Variants in IPO8 observed in about 807,000 individuals in gnomAD.
IPO8 encodes the protein importin-8.
A neutral mutation model predicts 141.2 loss-of-function variants in IPO8; 65 were observed. The ratio of observed to expected loss-of-function variants is 0.46; its 90% CI spans 0.38 to 0.57. The LOEUF is 0.57. Among genes scored for constraint, IPO8 ranks in the 20% least tolerant of loss-of-function variants. The pLI is 0.00. For synonymous variants in IPO8, 411 were observed against 420.3 expected, an observed-to-expected ratio of 0.98 and a Z score of 0.27; for missense variants, 980 against 1,246.8, an observed-to-expected ratio of 0.79 and a Z score of 3.22.
At chr12:30,677,901 C>T (rs1474734479) in intron 5 of IPO8, among the ~76,000 whole-genome samples, 1 of 151,700 alleles carries the variant, frequency 6.6e-6, no homozygotes, top group African/African-American at 2.4e-5. Flanking sequence ...CTTTGGGAGG[C>T]CAAGGCAGGC....
At position 30,681,768 on chromosome 12, in the gene IPO8, C is replaced by T; in HGVS notation, c.373G>A (p.Gly125Ser). Reference sequence around the variant, plus strand: ...TTGTCGACCACTCCTGGCCAGTGACCAGGAAAATCATGTTTTATGATGGCA... The same window carrying T: ...TTGTCGACCACTCCTGGCCAGTGACTAGGAAAATCATGTTTTATGATGGCA... ...LRAIIKHDFPGHWPGVVDKID... is the reference protein window; with the variant it reads ...LRAIIKHDFPSHWPGVVDKID... The change falls in exon 4 of 25, where the codon GGT (glycine) becomes AGT (serine). Residue 125 changes from glycine (G) to serine (S), a missense_variant. Transcript: ENST00000256079. The T allele has an allele frequency of 5.6e-6, 9 of 1,613,572 alleles. No individual in the cohort carries two copies. The highest frequency in any genetic ancestry group is 6.8e-6 in the Non-Finnish European group (8 of 1,179,656).
chr12:30,637,454 T>C (rs2052518332), intron 21 of IPO8, among the ~76,000 whole-genome samples: 1 of 152,218 alleles, frequency 6.6e-6, no homozygotes, highest in Non-Finnish European at 1.5e-5. Context: ...AAATGTTATA[T>C]ATGGGCCTCG....
chr12:30,676,834 A>C (rs1457194463), intron 5 of IPO8: 2 of 1,116,070 alleles, frequency 1.8e-6, no homozygotes, highest in Non-Finnish European at 2.6e-6. Context: ...AAAACAAATG[A>C]ATACCACTGA....
chr12:30,695,427 GGA>G lies in IPO8; in HGVS notation c.84+135_84+136del. 1.5e-6 allele frequency: 1 copy of G among 682,328 alleles called. No homozygotes were observed. The highest frequency in any genetic ancestry group is 2.5e-6 in the Non-Finnish European group (1 of 396,956). 42.3% of individuals were successfully genotyped at this position (682,328 alleles called of 1,614,324 possible). A position where few individuals can be genotyped will look rare whatever the true frequency, so the allele number is the denominator to read the frequency against. ...CACTGGACCGGGGGGCAGCGGGGTC[GGA>G]GAGCGGGACCAGCCGTGAGGCGTCA... On this transcript the variant is annotated intron_variant, in intron 1 of 24. Coordinates refer to ENST00000256079, the MANE Select transcript of IPO8 (RefSeq NM_006390.4). The surrounding 1 kb of genome is among the most constrained non-coding windows in gnomAD (Gnocchi z 4.2).
At chr12:30,659,504 CA>C (rs111943394) in intron 16 of IPO8, among the ~76,000 whole-genome samples, 18 of 139,528 alleles carry the variant, frequency 1.3e-4, no homozygotes, top group Admixed American at 2.2e-4. Flanking sequence ...AACAAATAAA[CA>C]AAAAAAAAAA....
chr12:30,631,158 A>C (rs1223045218), intron 24 of IPO8, among the ~76,000 whole-genome samples: 1 of 152,196 alleles, frequency 6.6e-6, no homozygotes, highest in East Asian at 1.9e-4. Context: ...CTACCATCGG[A>C]AAATCTGCAA....
intron 20 of IPO8, among the ~76,000 whole-genome samples, chr12:30,640,251 CA>C (rs2052558629): frequency 6.6e-6 from 1 of 152,092 alleles, no homozygotes; most frequent in South Asian, 2.1e-4. Flanking sequence ...TTCTAAGGTG[CA>C]ATATTGATGA....
chr12:30,680,307 T>A, intron 5 of IPO8, 175 bp downstream of exon 5: 4 of 517,958 alleles, frequency 7.7e-6, no homozygotes, highest in Non-Finnish European at 1.3e-5. Context: ...GATATGCCAT[T>A]GAGACGATCT....
intron 23 of IPO8, among the ~76,000 whole-genome samples, chr12:30,632,564 T>A (rs2052447852): frequency 6.6e-6 from 1 of 152,168 alleles, no homozygotes; most frequent in Non-Finnish European, 1.5e-5. Flanking sequence ...TGTGCATCCT[T>A]AACATCCCTG....
chr12:30,672,472 G>A (rs1401046033), intron 8 of IPO8, among the ~76,000 whole-genome samples: 2 of 152,172 alleles, frequency 1.3e-5, no homozygotes, highest in Non-Finnish European at 2.9e-5. Flanking sequence ...GTGGGGGAGA[G>A]AAGAGTCCCT....
At position 30,676,578 on chromosome 12, in the gene IPO8, G is replaced by A; in HGVS notation, c.649C>T (p.Pro217Ser). Residue 217 changes from proline (P) to serine (S), a missense_variant, in exon 6 of 25, where the codon CCT (proline) becomes TCT (serine). By Grantham distance (74) the Pro-to-Ser change is moderately conservative. Transcript: ENST00000256079. ...IFYALVQYAL[P>S]LQLVNNQTMT... is the part of the protein sequence containing the mutation. ...GTTTGGTTATTCACTAGCTGAAGAGGCAATGCATACTGGAAAAGAGAAGAA... is the reference window on the plus strand; with the variant it reads ...GTTTGGTTATTCACTAGCTGAAGAGACAATGCATACTGGAAAAGAGAAGAA... 6.2e-7 allele frequency: 1 copy of A among 1,608,566 alleles called. No homozygotes were observed. Among genetic ancestry groups the A allele is most frequent in the Non-Finnish European group, 8.5e-7 (1 of 1,175,130 alleles).
In IPO8 at chr12:30,630,896, G is replaced by A. The variant is rs377717299; in HGVS notation, c.3078C>T (p.Ser1026=). 92 of 1,613,562 alleles carry A rather than the reference G, an allele frequency of 5.7e-5. 1 individual carries two copies. Among genetic ancestry groups the A allele is most frequent in the South Asian group, 2.2e-4 (20 of 91,060 alleles). Residue 1026 remains serine (S), a synonymous_variant, in exon 25 of 25, where the codon TCC becomes TCT. Coordinates refer to ENST00000256079, the MANE Select transcript of IPO8 (RefSeq NM_006390.4). ...GFTFENKGVL[S]AFNFGTVPSN... Reference sequence around the variant, plus strand: ...TGGGCACAGTCCCAAAATTAAATGCGGAGAGGACTCCTTTGTTTTCAAAGG... The same window carrying A: ...TGGGCACAGTCCCAAAATTAAATGCAGAGAGGACTCCTTTGTTTTCAAAGG...
intron 16 of IPO8, among the ~76,000 whole-genome samples, chr12:30,660,019 T>G (rs977477803): frequency 7.2e-5 from 11 of 151,940 alleles, no homozygotes; most frequent in Non-Finnish European, 1.3e-4. Context: ...GGTCAGGAGT[T>G]CAAGACCAGC....
intron 5 of IPO8, 80 bp from the exon 6 acceptor site, chr12:30,676,667 A>G: frequency 1.0e-6 from 1 of 972,116 alleles, no homozygotes; most frequent in South Asian, 1.3e-5. Context: ...TGTAAGGCTA[A>G]AATATATGAA....
At chr12:30,661,105 GCTA>G (rs756089877) in intron 16 of IPO8, 33 bp downstream of exon 16, 1 of 1,345,652 alleles carries the variant, frequency 7.4e-7, no homozygotes, top group Non-Finnish European at 9.6e-7. Flanking sequence ...TCAGTTAAAT[GCTA>G]CTATTATATC....
At chr12:30,646,640 G>C (rs1003701018) in intron 20 of IPO8, among the ~76,000 whole-genome samples, 8 of 152,114 alleles carry the variant, frequency 5.3e-5, no homozygotes, top group African/African-American at 1.7e-4. Context: ...CAGCAAGGTT[G>C]CAGGATACAA....
intron 8 of IPO8, among the ~76,000 whole-genome samples, chr12:30,672,374 G>A (rs138420833): frequency 1.3e-5 from 2 of 152,260 alleles, no homozygotes; most frequent in Admixed American, 6.5e-5. Context: ...GGATGATACT[G>A]AACATGATTC....
chr12:30,675,679 A>C (rs1167319382), intron 6 of IPO8, among the ~76,000 whole-genome samples: 1 of 151,366 alleles, frequency 6.6e-6, no homozygotes, highest in Non-Finnish European at 1.5e-5. Context: ...AAAAAACAAA[A>C]AAAACAAAAA....
intron 17 of IPO8, among the ~76,000 whole-genome samples, chr12:30,655,887 G>A (rs1399962781): frequency 1.3e-5 from 2 of 152,156 alleles, no homozygotes; most frequent in African/African-American, 4.8e-5. Context: ...GCTTGCATCT[G>A]TGTCACACCC....
Sources: gnomAD v4.1 joint callset for allele counts (sites outside exome capture counted in the v4.1 genomes callset) on GRCh38, gnomAD v4.1.1 for gene constraint, Gnocchi (gnomAD v3.1) non-coding constraint, MANE v1.5 for transcripts, NCBI Gene and HGNC (gene_info 2026-07-23, HGNC 2026-07-21) for gene names.